ROCK1: variants seen among roughly 807,000 people sequenced by gnomAD.
ROCK1 encodes rho-associated protein kinase 1.
Under a neutral mutation model 196.8 loss-of-function variants are expected in ROCK1, and 36 were observed. That is an observed-to-expected ratio of 0.18 (90% CI 0.14 to 0.24). The LOEUF (loss-of-function observed/expected upper bound fraction) is 0.24. ROCK1 is among the 10% of genes least tolerant of loss of function. The pLI is 1.00. For synonymous variants in ROCK1, 443 were observed against 515.9 expected (o/e 0.86, Z 1.91); for missense variants, 920 against 1,562.0 (o/e 0.59, Z 6.93).
At chr18:21,101,082 G>C (rs2036655641) in intron 1 of ROCK1, among the ~76,000 whole-genome samples, 1 of 152,108 alleles carries the variant, frequency 6.6e-6, no homozygotes, top group Admixed American at 6.5e-5. Flanking sequence ...TGGCAATTAA[G>C]GAAAAGATTG....
intron 4 of ROCK1, among the ~76,000 whole-genome samples, chr18:21,048,584 C>G (rs560125492): frequency 4.2e-4 from 64 of 152,190 alleles, no homozygotes; most frequent in South Asian, 2.1e-3. Flanking sequence ...GGGTCTCACT[C>G]TGTTGCCCAG....
intron 12 of ROCK1, among the ~76,000 whole-genome samples, chr18:21,015,888 G>A (rs766885620): frequency 6.6e-5 from 10 of 151,718 alleles, no homozygotes; most frequent in Non-Finnish European, 1.3e-4. Flanking sequence ...GCCAAGGCAG[G>A]AGAATCACTT....
At position 21,043,473 on chromosome 18, in the gene ROCK1, T is replaced by C. The variant is rs199954328; in HGVS notation, c.675+629A>G. Among the ~76,000 whole-genome samples, 27 of 151,350 alleles carry C rather than the reference T, an allele frequency of 1.8e-4. No homozygotes were observed. The East Asian group carries it at 4.9e-3, about 27-fold the overall frequency. Reference sequence around the variant, plus strand: ...GTGTATATGAAGTGAAGGAATAACATATACACAGCTCCTTCAGCTCCTTCA... The same window carrying C: ...GTGTATATGAAGTGAAGGAATAACACATACACAGCTCCTTCAGCTCCTTCA... On this transcript the variant is annotated intron_variant, in intron 6 of 32. Coordinates refer to ENST00000399799, the MANE Select transcript of ROCK1 (RefSeq NM_005406.3).
Position 20,968,796 on chromosome 18 carries a change from G to A in ROCK1, c.2979C>T (p.Asn993=), listed in dbSNP as rs756383377. 2 of 1,606,120 alleles carry A rather than the reference G, an allele frequency of 1.2e-6. No homozygotes were observed. Among genetic ancestry groups the A allele is most frequent in the South Asian group, 2.2e-5 (2 of 90,910 alleles). The change falls in exon 25 of 33, where the codon AAC becomes AAT. Residue 993 remains asparagine, a synonymous_variant. Transcript: ENST00000399799. ...NLKAAFEKNI[N]TERTLKTQAV... is the part of the protein sequence containing the mutation. Reference sequence around the variant, plus strand: ...CCTGTGTTTTAAGGGTTCGTTCAGTGTTGATATTCTTTTCAAAGGCAGCCT... The same window carrying A: ...CCTGTGTTTTAAGGGTTCGTTCAGTATTGATATTCTTTTCAAAGGCAGCCT...
intron 13 of ROCK1, among the ~76,000 whole-genome samples, chr18:21,009,596 T>C (rs1183460555): frequency 6.6e-6 from 1 of 152,230 alleles, no homozygotes; most frequent in Non-Finnish European, 1.5e-5. Context: ...GGTCACATAG[T>C]AGGCACATGT....
intron 14 of ROCK1, 101 bp from the exon 15 acceptor site, chr18:21,006,891 G>A: frequency 1.2e-6 from 1 of 803,412 alleles, no homozygotes; most frequent in Non-Finnish European, 1.9e-6. Context: ...GGCCATAATA[G>A]TCAGCTACAT....
chr18:20,969,105 T>C lies in ROCK1; in HGVS notation c.2914+10A>G. ...ATTTAACATGATGATTTTTTAAAAA[T>C]TCTACATACCTTCCTCTGCCTTCTT... On this transcript the variant is annotated intron_variant, in intron 24 of 32. Transcript: ENST00000399799. 3 of 1,530,960 alleles carry C rather than the reference T, an allele frequency of 2.0e-6. No individual in the cohort carries two copies. The highest frequency in any genetic ancestry group is 2.7e-6 in the Non-Finnish European group (3 of 1,115,052). The allele number at this position is 1,530,960 out of a possible 1,614,324, so 94.8% of individuals were successfully genotyped here.
intron 9 of ROCK1, among the ~76,000 whole-genome samples, chr18:21,036,126 C>T (rs746314179): frequency 3.3e-5 from 5 of 152,270 alleles, no homozygotes; most frequent in Non-Finnish European, 5.9e-5. Flanking sequence ...ATGTTCAGAA[C>T]GTCTAAACTC....
At chr18:21,062,878 T>G (rs1465918374) in intron 2 of ROCK1, among the ~76,000 whole-genome samples, 1 of 152,106 alleles carries the variant, frequency 6.6e-6, no homozygotes, top group Admixed American at 6.6e-5. Context: ...TGAGCTCATA[T>G]ATAACAAGTA....
At chr18:20,974,253 T>C in intron 22 of ROCK1, among the ~76,000 whole-genome samples, 1 of 152,310 alleles carries the variant, frequency 6.6e-6, no homozygotes, top group East Asian at 1.9e-4. Flanking sequence ...GCTGGAGATC[T>C]GAGTAGAGAC....
chr18:21,051,292 A>AT (rs1220290177), intron 2 of ROCK1, among the ~76,000 whole-genome samples: 3 of 152,220 alleles, frequency 2.0e-5, no homozygotes, highest in African/African-American at 7.2e-5. Context: ...TACAAAAAAT[A>AT]TTTTTTTAAA....
chr18:21,097,282 G>A (rs1482250995), intron 1 of ROCK1, among the ~76,000 whole-genome samples: 2 of 152,188 alleles, frequency 1.3e-5, no homozygotes, highest in African/African-American at 4.8e-5. Context: ...TGAAAATTTG[G>A]ATTTGGGTAG....
chr18:20,988,473 T>A (rs557798897), intron 18 of ROCK1, among the ~76,000 whole-genome samples: 3 of 152,192 alleles, frequency 2.0e-5, no homozygotes, highest in African/African-American at 7.2e-5. Flanking sequence ...TCTCCCTTTT[T>A]ATCACTGTTC....
chr18:21,050,779 T>C (rs777214780), intron 2 of ROCK1, among the ~76,000 whole-genome samples: 26 of 152,194 alleles, frequency 1.7e-4, no homozygotes, highest in Non-Finnish European at 2.6e-4. Flanking sequence ...TTCTACAAAG[T>C]TATAAGTACC....
At chr18:21,078,198 G>C (rs978936007) in intron 1 of ROCK1, among the ~76,000 whole-genome samples, 1 of 152,078 alleles carries the variant, frequency 6.6e-6, no homozygotes, top group Non-Finnish European at 1.5e-5. Context: ...GTGTGGTGGC[G>C]TGCGCCTGTG....
intron 1 of ROCK1, among the ~76,000 whole-genome samples, chr18:21,109,155 A>C (rs891755007): frequency 4.6e-5 from 7 of 152,204 alleles, no homozygotes; most frequent in Non-Finnish European, 8.8e-5. Context: ...GGAATTTATC[A>C]CATTTTCTCA....
intron 2 of ROCK1, 89 bp from the exon 3 acceptor site, chr18:21,049,969 A>C: frequency 1.7e-6 from 1 of 584,642 alleles, no homozygotes; most frequent in East Asian, 3.4e-5. Context: ...TAAGAAACAC[A>C]ATGAAAAACA....
rs556617225 is a variant in ROCK1 at position 20,951,606 on chromosome 18, C to A, written c.4062-219G>T. ...ACTCAGCTATAATCTCATTTCAAATCATTTTAGATCCAGTTTACAACCTAT... is the reference window on the plus strand; with the variant it reads ...ACTCAGCTATAATCTCATTTCAAATAATTTTAGATCCAGTTTACAACCTAT... On this transcript the variant is annotated intron_variant, in intron 32 of 32. Coordinates refer to ENST00000399799, the MANE Select transcript of ROCK1 (RefSeq NM_005406.3). Among the ~76,000 whole-genome samples the A allele has an allele frequency of 8.5e-5, 13 of 152,290 alleles. No homozygotes were observed. In the East Asian group the frequency reaches 2.5e-3, roughly 29 times the overall value.
chr18:21,096,528 A>G (rs1396150291), intron 1 of ROCK1, among the ~76,000 whole-genome samples: 2 of 152,220 alleles, frequency 1.3e-5, no homozygotes, highest in African/African-American at 2.4e-5. Context: ...GTTGGGTTCT[A>G]TCACTTACAA....
Sources: gnomAD v4.1 joint callset for allele counts (sites outside exome capture counted in the v4.1 genomes callset) on GRCh38, gnomAD v4.1.1 for gene constraint, MANE v1.5 for transcripts, NCBI Gene and HGNC (gene_info 2026-07-23, HGNC 2026-07-21) for gene names.